KMT2C: variants seen among roughly 807,000 people sequenced by gnomAD.
KMT2C encodes histone-lysine N-methyltransferase 2C.
KMT2C carries 88 observed loss-of-function variants against 507.9 expected under a neutral mutation model. That is an observed-to-expected ratio of 0.17 (90% CI 0.15 to 0.21). The LOEUF is 0.21. Among genes scored for constraint, KMT2C ranks in the 10% least tolerant of loss-of-function variants. The pLI is 1.00. For synonymous variants in KMT2C, 2,049 were observed against 2,080.8 expected (o/e 0.98, Z 0.42); for missense variants, 4,954 against 5,957.8 (o/e 0.83, Z 5.55).
At position 152,163,752 on chromosome 7, in the gene KMT2C, C is replaced by G; in HGVS notation, c.9825G>C (p.Met3275Ile). Residue 3275 changes from methionine (M) to isoleucine (I), a missense_variant, in exon 43 of 59, where the codon ATG becomes ATC. Transcript: ENST00000262189. The part of the protein sequence containing the change: ...YRIKQQQQCA[M>I]APPTMMPSVQ... Reference sequence around the variant, plus strand: ...CACTGGGCATCATGGTAGGTGGGGCCATTGCACATTGCTGCTGCTGTTTGA... The same window carrying G: ...CACTGGGCATCATGGTAGGTGGGGCGATTGCACATTGCTGCTGCTGTTTGA... 6.2e-7 allele frequency: 1 copy of G among 1,614,142 alleles called. No homozygotes were observed. Among genetic ancestry groups the G allele is most frequent in the Non-Finnish European group, 8.5e-7 (1 of 1,180,018 alleles).
intron 51 of KMT2C, 47 bp downstream of exon 51, chr7:152,150,853 A>T (rs747511507): frequency 7.9e-7 from 1 of 1,269,994 alleles, no homozygotes; most frequent in Non-Finnish European, 1.2e-6. Context: ...AGAACACAGA[A>T]GTCACTCGTT....
rs532614184 is a variant in KMT2C, at chr7:152,421,037, TA to T, written c.161+14588del. 3.1e-3 allele frequency among the ~76,000 whole-genome samples: 449 copies of T among 143,204 alleles called. 1 individual carries two copies. Among genetic ancestry groups the T allele is most frequent in the South Asian group, 0.011 (51 of 4,526 alleles). 93.9% of individuals were successfully genotyped at this position (143,204 alleles called of 152,430 possible). On this transcript the variant is annotated intron_variant, in intron 1 of 58. Coordinates refer to ENST00000262189, the MANE Select transcript of KMT2C (RefSeq NM_170606.3). The stretch of plus-strand genomic sequence containing the variant: ...AGTATAATAAAAAAATAGTTTATAA[TA>T]AAAAAAAAACAAGCAAAAAACAACC...
At chr7:152,326,706 C>T (rs2096831718) in intron 3 of KMT2C, among the ~76,000 whole-genome samples, 1 of 152,034 alleles carries the variant, frequency 6.6e-6, no homozygotes, top group Non-Finnish European at 1.5e-5. Context: ...TGGTGAAACC[C>T]TGTCTCTACT....
chr7:152,313,083 TAG>T (rs1455232757), intron 4 of KMT2C, among the ~76,000 whole-genome samples: 2 of 152,164 alleles, frequency 1.3e-5, no homozygotes, highest in African/African-American at 2.4e-5. Context: ...TAGAAATGCA[TAG>T]ACTTTTTTTA....
At chr7:152,289,252 T>C (rs2885099) in intron 6 of KMT2C, among the ~76,000 whole-genome samples, 14 of 152,210 alleles carry the variant, frequency 9.2e-5, no homozygotes, top group African/African-American at 2.7e-4. Context: ...CTGAAAGCAG[T>C]TGGCACCAAG....
chr7:152,256,995 A>G (rs560407134), intron 9 of KMT2C, among the ~76,000 whole-genome samples: 1 of 152,200 alleles, frequency 6.6e-6, no homozygotes, highest in African/African-American at 2.4e-5. Context: ...CAATAATCCT[A>G]CTTCTAGGAA....
chr7:152,195,577 A>T, intron 28 of KMT2C: 1 of 983,424 alleles, frequency 1.0e-6, no homozygotes, highest in Non-Finnish European at 1.2e-6. Context: ...GACCTATAAG[A>T]CCCAAACCAA....
At chr7:152,210,497 A>G (rs2094430410) in intron 23 of KMT2C, among the ~76,000 whole-genome samples, 2 of 152,162 alleles carry the variant, frequency 1.3e-5, no homozygotes, top group South Asian at 4.1e-4. Context: ...AGCCCAACAC[A>G]AATTCATAAA....
intron 1 of KMT2C, among the ~76,000 whole-genome samples, chr7:152,413,921 A>C (rs1339592910): frequency 6.6e-6 from 1 of 150,932 alleles, no homozygotes; most frequent in Non-Finnish European, 1.5e-5. Flanking sequence ...TCATTTAGAA[A>C]ATGTATGAGG....
chr7:152,252,267 G>A (rs1345675045), intron 10 of KMT2C, among the ~76,000 whole-genome samples, 177 bp from the exon 11 acceptor site: 1 of 152,228 alleles, frequency 6.6e-6, no homozygotes, highest in African/African-American at 2.4e-5. Context: ...CATGTCACTA[G>A]AGATGCTGCC....
chr7:152,375,340 C>T (rs1042573354), intron 1 of KMT2C, among the ~76,000 whole-genome samples: 1 of 151,606 alleles, frequency 6.6e-6, no homozygotes, highest in Non-Finnish European at 1.5e-5. Flanking sequence ...CCACACCCAG[C>T]GAGTTTTTTT....
At chr7:152,435,502 C>T (rs960331817) in intron 1 of KMT2C, 124 bp downstream of exon 1, 1 of 308,190 alleles carries the variant, frequency 3.2e-6, no homozygotes, top group Non-Finnish European at 4.7e-6. Context: ...CGCCCGCGGG[C>T]CCGCCCCGCC....
At chr7:152,243,116 A>T (rs1214881108) in intron 14 of KMT2C, among the ~76,000 whole-genome samples, 3 of 152,264 alleles carry the variant, frequency 2.0e-5, no homozygotes, top group Admixed American at 2.0e-4. Flanking sequence ...CATATATAAA[A>T]TTGAGTTCGA....
At chr7:152,187,094 A>G (rs564395701) in intron 33 of KMT2C, among the ~76,000 whole-genome samples, 168 bp downstream of exon 33, 1 of 152,314 alleles carries the variant, frequency 6.6e-6, no homozygotes, top group African/African-American at 2.4e-5. Flanking sequence ...TGCAGGGTCT[A>G]GGACAAAGTA....
At chr7:152,297,057 G>GACAGACAGACAGAA (rs756980169) in intron 6 of KMT2C, among the ~76,000 whole-genome samples, 2 of 90,696 alleles carry the variant, frequency 2.2e-5, no homozygotes, top group African/African-American at 9.6e-5. Flanking sequence ...AAGAAAGACA[G>GACAGACAGACAGAA]AGAGAGAGAG....
intron 6 of KMT2C, among the ~76,000 whole-genome samples, chr7:152,275,983 C>T (rs563219238): frequency 2.0e-5 from 3 of 152,276 alleles, no homozygotes; most frequent in South Asian, 2.1e-4. Flanking sequence ...TTCTCAATGT[C>T]TTTCTCATTT....
intron 9 of KMT2C, among the ~76,000 whole-genome samples, chr7:152,254,125 A>C (rs1427142777): frequency 6.6e-6 from 1 of 152,142 alleles, no homozygotes; most frequent in African/African-American, 2.4e-5. Flanking sequence ...TGATGCAAAA[A>C]TCCTAAATAG....
chr7:152,345,164 A>C (rs573402662), intron 2 of KMT2C, among the ~76,000 whole-genome samples: 13 of 152,264 alleles, frequency 8.5e-5, no homozygotes, highest in African/African-American at 3.1e-4. Flanking sequence ...TCATCCCAGT[A>C]ATCCCACCAC....
In KMT2C at chr7:152,250,889, T is replaced by C; in HGVS notation, c.1699A>G (p.Asn567Asp). 6.2e-7 allele frequency: 1 copy of C among 1,608,830 alleles called. No homozygotes were observed. Among genetic ancestry groups the C allele is most frequent in the Non-Finnish European group, 8.5e-7 (1 of 1,175,260 alleles). The change falls in exon 12 of 59, where the codon AAC becomes GAC. Residue 567 changes from asparagine to aspartate, a missense_variant. Asn to Asp is a conservative substitution (Grantham distance 23). Around this residue, in one of 29 missense-constraint regions of KMT2C, gnomAD observed 376 missense variants for 352.4 expected, o/e 1.07. Coordinates refer to ENST00000262189, the MANE Select transcript of KMT2C (RefSeq NM_170606.3). The part of the protein sequence containing the change: ...FSEQAANKDV[N>D]GQESTPGIVP... Reference sequence around the variant, plus strand: ...ATTCCAGGAGTGGACTCCTGACCGTTGACATCTTTATTAGCTGCCTGCTCT... The same window carrying C: ...ATTCCAGGAGTGGACTCCTGACCGTCGACATCTTTATTAGCTGCCTGCTCT...
Sources: gnomAD v4.1 joint callset for allele counts (sites outside exome capture counted in the v4.1 genomes callset) on GRCh38, gnomAD v4.1.1 for gene constraint, gnomAD v4.1.1 regional missense constraint, MANE v1.5 for transcripts, NCBI Gene and HGNC (gene_info 2026-07-23, HGNC 2026-07-21) for gene names.